Variants in IGSF5 observed in about 807,000 individuals in gnomAD.
IGSF5 encodes immunoglobulin superfamily 5 like.
In IGSF5, 41 loss-of-function variants were observed where a neutral mutation model predicts 39.4. That is an observed-to-expected ratio of 1.04 (90% confidence interval 0.81 to 1.35). IGSF5 has a LOEUF of 1.35. Ranked by LOEUF, IGSF5 falls within the 40% of genes most tolerant of loss-of-function variation. The pLI is 0.00. For synonymous variants in IGSF5, 183 were observed against 175.3 expected (o/e 1.04, Z -0.34); for missense variants, 487 against 494.6 (o/e 0.98, Z 0.15).
chr21:39,771,314 A>T, intron 4 of IGSF5, 99 bp downstream of exon 4: 1 of 1,173,110 alleles, frequency 8.5e-7, no homozygotes, highest in South Asian at 2.2e-5. Context: ...GAAAAATCAT[A>T]TGGCGACCTT....
intron 4 of IGSF5, among the ~76,000 whole-genome samples, chr21:39,776,136 C>T (rs1235587565): frequency 1.3e-5 from 2 of 152,028 alleles, no homozygotes; most frequent in African/African-American, 2.4e-5. Flanking sequence ...ACAGTAAATG[C>T]ACTCTTTTTA....
chr21:39,778,238 C>G (rs2080150886), intron 4 of IGSF5, among the ~76,000 whole-genome samples: 1 of 152,312 alleles, frequency 6.6e-6, no homozygotes, highest in African/African-American at 2.4e-5. Context: ...TGACTGAGCA[C>G]TTGAAATGTG....
At chr21:39,730,816 T>C in the IGSF5 span, 1 of 152,330 alleles carries the variant, frequency 6.6e-6, no homozygotes, top group East Asian at 1.9e-4. Context: ...TCTTTGAAAA[T>C]CGAAGTTCAC....
rs1197848422 is a variant in IGSF5, at chr21:39,765,732, C to G, written c.298C>G (p.Gln100Glu). 1 of 1,613,982 alleles carries G rather than the reference C, an allele frequency of 6.2e-7. No individual in the cohort carries two copies. The highest frequency in any genetic ancestry group is 8.5e-7 in the Non-Finnish European group (1 of 1,180,018). Residue 100 changes from glutamine (Q) to glutamate (E), a missense_variant, in exon 3 of 9, where the codon CAG becomes GAG. Transcript: ENST00000380588. ...CCGCTTCACCTCTCAGAGGTACGAC[C>G]AGGGCGGGAACTTCACCTCGGAGAT... ...NDRFTSQRYD[Q>E]GGNFTSEMII...
chr21:39,800,357 A>G (rs1454002687), intron 8 of IGSF5, among the ~76,000 whole-genome samples: 1 of 151,798 alleles, frequency 6.6e-6, no homozygotes, highest in African/African-American at 2.4e-5. Flanking sequence ...TCACCCCCTC[A>G]TTGAGACAAA....
At chr21:39,716,114 G>T in the IGSF5 span, among the ~76,000 whole-genome samples, 4 of 152,160 alleles carry the variant, frequency 2.6e-5, no homozygotes, top group Admixed American at 6.5e-5. Flanking sequence ...ACTAGAGCCC[G>T]CAGTGAGTAC....
At chr21:39,782,601 G>A (rs533192294) in intron 5 of IGSF5, among the ~76,000 whole-genome samples, 1 of 152,268 alleles carries the variant, frequency 6.6e-6, no homozygotes, top group Admixed American at 6.5e-5. Flanking sequence ...GTGGAATCAT[G>A]CAGTATTTGT....
chr21:39,754,367 C>T (rs769473587), intron 2 of IGSF5, among the ~76,000 whole-genome samples: 7 of 152,176 alleles, frequency 4.6e-5, no homozygotes, highest in Non-Finnish European at 7.3e-5. Flanking sequence ...ATGGCTATTT[C>T]CCACCAACCT....
chr21:39,743,531 G>A (rs191452910), upstream of IGSF5, among the ~76,000 whole-genome samples: 367 of 152,204 alleles, frequency 2.4e-3, 3 homozygotes, highest in African/African-American at 8.1e-3. Context: ...GCATAATCGG[G>A]GAATATTGGC....
chr21:39,755,944 A>C (rs1424974317), intron 2 of IGSF5, among the ~76,000 whole-genome samples: 5 of 51,430 alleles, frequency 9.7e-5, no homozygotes, highest in Non-Finnish European at 9.5e-5. Flanking sequence ...TCTCTACTAA[A>C]AATACAAAAA....
At chr21:39,728,121 CT>C in the IGSF5 span, 1 of 152,228 alleles carries the variant, frequency 6.6e-6, no homozygotes, top group Non-Finnish European at 1.5e-5. Flanking sequence ...AATATTGTTG[CT>C]TTTTCCTCCC....
At position 39,761,708 on chromosome 21, in the gene IGSF5, G is replaced by A. The variant is rs556443822; in HGVS notation, c.101-3827G>A. ...TTTTGAGACAGAGTCTTGCTCTGTCGCCCAGGCTGGAGTTTAGTGGTGTAG... is the reference window on the plus strand; with the variant it reads ...TTTTGAGACAGAGTCTTGCTCTGTCACCCAGGCTGGAGTTTAGTGGTGTAG... On this transcript the variant is annotated intron_variant, in intron 2 of 8. Coordinates refer to ENST00000380588, the MANE Select transcript of IGSF5 (RefSeq NM_001080444.2). 5.3e-5 allele frequency among the ~76,000 whole-genome samples: 8 copies of A among 152,160 alleles called. No homozygotes were observed. The South Asian group carries it at 1.2e-3, about 24-fold the overall frequency.
chr21:39,765,687 G>C lies in IGSF5; in HGVS notation c.253G>C (p.Glu85Gln). The C allele has an allele frequency of 6.2e-7, 1 of 1,614,114 alleles. No homozygotes were observed. Among genetic ancestry groups the C allele is most frequent in the Non-Finnish European group, 8.5e-7 (1 of 1,180,030 alleles). ...GGTGGTGCTAAGCGTCAGGCCCATG[G>C]AGCCCATCATCACCAATGACCGCTT... Reference protein sequence around the residue: ...DMVVLSVRPMEPIITNDRFTS... With the variant: ...DMVVLSVRPMQPIITNDRFTS... The change falls in exon 3 of 9, where the codon GAG becomes CAG. Residue 85 changes from glutamate (E) to glutamine (Q), a missense_variant. Physicochemically the swap from Glu to Gln is conservative, Grantham distance 29 (BLOSUM62 2). Transcript: ENST00000380588.
upstream of IGSF5, among the ~76,000 whole-genome samples, chr21:39,742,729 T>C (rs1355103235): frequency 6.6e-6 from 1 of 152,176 alleles, no homozygotes; most frequent in Non-Finnish European, 1.5e-5. Context: ...CTTTTCCCTT[T>C]TACAGAGCCT....
upstream of IGSF5, among the ~76,000 whole-genome samples, chr21:39,740,398 C>G (rs969364735): frequency 6.6e-6 from 1 of 152,194 alleles, no homozygotes; most frequent in Non-Finnish European, 1.5e-5. Flanking sequence ...TAGGTGTTCC[C>G]TCAGAAGTTA....
At chr21:39,727,958 G>A in the IGSF5 span, 1 of 152,222 alleles carries the variant, frequency 6.6e-6, no homozygotes, top group Non-Finnish European at 1.5e-5. Context: ...AAAGTTCACA[G>A]TTGTTGGAGC....
intron 2 of IGSF5, among the ~76,000 whole-genome samples, chr21:39,761,854 G>A (rs2080063274): frequency 1.3e-5 from 2 of 152,252 alleles, no homozygotes; most frequent in Middle Eastern, 3.4e-3. Flanking sequence ...TTTTTGTAGA[G>A]ATGGGATATT....
At chr21:39,768,863 C>T (rs1404953167) in intron 3 of IGSF5, among the ~76,000 whole-genome samples, 1 of 152,158 alleles carries the variant, frequency 6.6e-6, no homozygotes, top group Non-Finnish European at 1.5e-5. Context: ...CGACCCAGTT[C>T]ACTGTAGTCT....
chr21:39,794,489 G>A (rs904891348), intron 8 of IGSF5, among the ~76,000 whole-genome samples: 1 of 152,166 alleles, frequency 6.6e-6, no homozygotes, highest in African/African-American at 2.4e-5. Context: ...TGAGAACATA[G>A]TATGTTAATT....
Sources: allele counts gnomAD v4.1 joint callset (sites outside exome capture counted in the v4.1 genomes callset), GRCh38; gene constraint gnomAD v4.1.1; transcripts MANE v1.5; gene names NCBI Gene and HGNC (gene_info 2026-07-23, HGNC 2026-07-21).